HPSE2: variants seen among roughly 807,000 people sequenced by gnomAD.
The protein encoded by HPSE2 is heparanase 2 (inactive), also known as inactive heparanase-2.
A neutral mutation model predicts 60.5 loss-of-function variants in HPSE2; 38 were observed. The ratio of observed to expected loss-of-function variants is 0.63; its 90% CI spans 0.48 to 0.82. The LOEUF (loss-of-function observed/expected upper bound fraction) is 0.82, where lower values mean the gene tolerates loss of function less well. Among genes scored for constraint, HPSE2 ranks in the 40% least tolerant of loss-of-function variants. The pLI is 0.00. For synonymous variants in HPSE2, 295 were observed against 293.2 expected, an observed-to-expected ratio of 1.01 and a Z score of -0.06; for missense variants, 713 against 740.4, an observed-to-expected ratio of 0.96 and a Z score of 0.43.
chr10:99,183,702 T>C (rs10883290), intron 2 of HPSE2, among the ~76,000 whole-genome samples: 75,054 of 152,110 alleles, frequency 0.49, 21,707 homozygotes, highest in Non-Finnish European at 0.64. Flanking sequence ...ATCTCAGTCA[T>C]TGGCCTTCTG....
At chr10:98,904,995 C>A (rs1412639232) in intron 3 of HPSE2, among the ~76,000 whole-genome samples, 6 of 152,056 alleles carry the variant, frequency 3.9e-5, no homozygotes, top group Non-Finnish European at 8.8e-5. Flanking sequence ...AAAGTATTTT[C>A]AAAAAGTCTT....
chr10:98,561,030 C>T (rs990426809), intron 9 of HPSE2, among the ~76,000 whole-genome samples: 2 of 152,136 alleles, frequency 1.3e-5, no homozygotes, highest in African/African-American at 4.8e-5. Flanking sequence ...AATTTAACAG[C>T]CTCAGGCAGA....
chr10:98,679,100 A>G (rs1426681972), intron 6 of HPSE2, among the ~76,000 whole-genome samples: 3 of 152,214 alleles, frequency 2.0e-5, no homozygotes, highest in South Asian at 2.1e-4. Flanking sequence ...AGGGAAGTCT[A>G]AAAGTTGCTG....
At chr10:99,212,882 G>A (rs1051883119) in intron 2 of HPSE2, among the ~76,000 whole-genome samples, 4 of 152,130 alleles carry the variant, frequency 2.6e-5, no homozygotes, top group African/African-American at 9.7e-5. Flanking sequence ...ACATCATATT[G>A]TAAATAATAT....
In HPSE2 at chr10:99,175,978, T is replaced by C. The variant is rs180795707; in HGVS notation, c.449-31579A>G. ...GCCTCTGCTGTGACACCCAGGCAAATGGCCTGGAGTGGACCTCCAGCAAAC... is the reference window on the plus strand; with the variant it reads ...GCCTCTGCTGTGACACCCAGGCAAACGGCCTGGAGTGGACCTCCAGCAAAC... On this transcript the variant is annotated intron_variant, in intron 2 of 11. Transcript: ENST00000370552. Among the ~76,000 whole-genome samples the C allele has an allele frequency of 2.6e-5, 4 of 152,226 alleles. No individual in the cohort carries two copies. The East Asian group carries it at 7.7e-4, about 29-fold the overall frequency.
At chr10:98,475,229 T>A (rs1280000780) in intron 11 of HPSE2, among the ~76,000 whole-genome samples, 1 of 151,940 alleles carries the variant, frequency 6.6e-6, no homozygotes, top group African/African-American at 2.4e-5. Context: ...GCCATTCTCC[T>A]GCCTCATCCT....
chr10:98,820,620 T>A (rs1456502588), intron 3 of HPSE2, among the ~76,000 whole-genome samples: 1 of 152,184 alleles, frequency 6.6e-6, no homozygotes, highest in Non-Finnish European at 1.5e-5. Flanking sequence ...TGCCTTAAGG[T>A]ACCCCAATCA....
In HPSE2 at chr10:98,725,555, A is replaced by T. The variant is rs868704960; in HGVS notation, c.785-3727T>A. On this transcript the variant is annotated intron_variant, in intron 4 of 11. Transcript: ENST00000370552. ...AAAACCCTAGAAGAAAACCTAGGCAATACCATTCAGGACATAGGCATGGTC... is the reference window on the plus strand; with the variant it reads ...AAAACCCTAGAAGAAAACCTAGGCATTACCATTCAGGACATAGGCATGGTC... Among the ~76,000 whole-genome samples the T allele has an allele frequency of 7.5e-3, 1,136 of 152,230 alleles. 19 individuals are homozygous for T. The highest frequency in any genetic ancestry group is 0.025 in the African/African-American group (1,049 of 41,560).
chr10:99,118,869 T>C (rs1844821678), intron 3 of HPSE2, among the ~76,000 whole-genome samples: 1 of 151,698 alleles, frequency 6.6e-6, no homozygotes, highest in Non-Finnish European at 1.5e-5. Context: ...ATACAAAAAT[T>C]AGCTGGGCGT....
intron 3 of HPSE2, among the ~76,000 whole-genome samples, chr10:99,051,729 T>C (rs1049819720): frequency 1.3e-5 from 2 of 152,198 alleles, no homozygotes; most frequent in Non-Finnish European, 2.9e-5. Context: ...TGTTTTAAGT[T>C]TGAATCCTGT....
intron 3 of HPSE2, among the ~76,000 whole-genome samples, chr10:98,762,715 T>A (rs1361671022): frequency 6.6e-6 from 1 of 151,432 alleles, no homozygotes; most frequent in East Asian, 1.9e-4. Context: ...CCCATACTTT[T>A]AAAAAAAAAT....
At chr10:99,039,005 G>T (rs1359933645) in intron 3 of HPSE2, among the ~76,000 whole-genome samples, 1 of 152,076 alleles carries the variant, frequency 6.6e-6, no homozygotes, top group East Asian at 1.9e-4. Context: ...TCTTCAATTG[G>T]CAGCAACAAT....
chr10:99,231,237 A>C (rs1219109384), intron 2 of HPSE2, among the ~76,000 whole-genome samples: 1 of 152,236 alleles, frequency 6.6e-6, no homozygotes, highest in African/African-American at 2.4e-5. Flanking sequence ...AAGAAAATAC[A>C]AGGGCATTTG....
intron 3 of HPSE2, among the ~76,000 whole-genome samples, chr10:99,039,380 C>T (rs1452159075): frequency 6.6e-6 from 1 of 151,952 alleles, no homozygotes; most frequent in African/African-American, 2.4e-5. Flanking sequence ...CCATGCCAAG[C>T]CTCTTTTTAA....
chr10:99,047,615 A>C, intron 3 of HPSE2: 1 of 667,552 alleles, frequency 1.5e-6, no homozygotes, highest in Non-Finnish European at 2.7e-6. Flanking sequence ...TAAATCAACA[A>C]GCAGCTCTTT....
At chr10:98,647,308 G>C (rs1289396139) in intron 6 of HPSE2, among the ~76,000 whole-genome samples, 1 of 152,188 alleles carries the variant, frequency 6.6e-6, no homozygotes, top group East Asian at 1.9e-4. Flanking sequence ...AGGAGAGTTT[G>C]TTGGCTCCAG....
At chr10:98,725,280 C>T (rs1223305957) in intron 4 of HPSE2, among the ~76,000 whole-genome samples, 1 of 152,158 alleles carries the variant, frequency 6.6e-6, no homozygotes, top group East Asian at 1.9e-4. Flanking sequence ...GGTACTGGTA[C>T]CAAAACAGAG....
At chr10:99,096,019 A>G (rs1268219332) in intron 3 of HPSE2, among the ~76,000 whole-genome samples, 1 of 152,174 alleles carries the variant, frequency 6.6e-6, no homozygotes, top group African/African-American at 2.4e-5. Context: ...CAAAAACATA[A>G]AAGAAAATTA....
intron 6 of HPSE2, among the ~76,000 whole-genome samples, chr10:98,666,092 C>G (rs1947355277): frequency 6.6e-6 from 1 of 152,048 alleles, no homozygotes; most frequent in Admixed American, 6.6e-5. Context: ...GAATAAAGAT[C>G]TAACATGCAA....
Sources: gnomAD v4.1 joint callset for allele counts (sites outside exome capture counted in the v4.1 genomes callset) on GRCh38, gnomAD v4.1.1 for gene constraint, MANE v1.5 for transcripts, NCBI Gene and HGNC (gene_info 2026-07-23, HGNC 2026-07-21) for gene names.